The following ATR variants were observed in gnomAD, a reference collection of about 807,000 sequenced individuals.
ATR encodes the protein ATR checkpoint kinase.
ATR carries 142 observed loss-of-function variants against 305.3 expected under a neutral mutation model. The ratio of observed to expected loss-of-function variants is 0.47; its 90% CI spans 0.41 to 0.53. The LOEUF (loss-of-function observed/expected upper bound fraction) is 0.53, where lower values mean the gene tolerates loss of function less well. Ranked by LOEUF, ATR falls within the 20% of genes least tolerant of loss-of-function variation. The probability of loss-of-function intolerance (pLI) is 0.00; values close to 1 mark genes in which losing one functional copy is unlikely to be tolerated. For missense variants in ATR, 2,135 were observed against 3,133.1 expected (o/e 0.68, Z 7.60); for synonymous variants, 1,050 against 1,068.1 (o/e 0.98, Z 0.33).
intron 1 of ATR, among the ~76,000 whole-genome samples, chr3:142,571,349 C>G (rs2035251534): frequency 1.3e-5 from 2 of 152,018 alleles, no homozygotes; most frequent in Admixed American, 1.3e-4. Context: ...GCCTGTAGTC[C>G]CAGCTGCTCA....
chr3:142,475,438 T>A (rs904614148), intron 36 of ATR, among the ~76,000 whole-genome samples: 17 of 152,232 alleles, frequency 1.1e-4, no homozygotes, highest in African/African-American at 4.1e-4. Flanking sequence ...CATCCTTTTT[T>A]ATGGCTGCAT....
At chr3:142,464,186 C>T (rs1462707943) in intron 41 of ATR, among the ~76,000 whole-genome samples, 1 of 152,102 alleles carries the variant, frequency 6.6e-6, no homozygotes, top group Non-Finnish European at 1.5e-5. Flanking sequence ...AGTGCAGTGG[C>T]ATGATCATAG....
chr3:142,513,412 CCTA>C (rs2032682174), intron 26 of ATR, 86 bp downstream of exon 26: 17 of 1,482,640 alleles, frequency 1.1e-5, no homozygotes, highest in Non-Finnish European at 9.4e-6. Flanking sequence ...GTCTACATTT[CCTA>C]CTAATAGGTA....
chr3:142,451,639 G>C (rs1031119609), intron 46 of ATR: 1 of 1,243,048 alleles, frequency 8.0e-7, no homozygotes, highest in Non-Finnish European at 1.0e-6. Context: ...GAGTGCAGTG[G>C]TGTCATCATA....
At chr3:142,505,975 G>A (rs2032214609) in intron 28 of ATR, among the ~76,000 whole-genome samples, 1 of 152,152 alleles carries the variant, frequency 6.6e-6, no homozygotes, top group South Asian at 2.1e-4. Context: ...AGCAAATGAT[G>A]TCTTAATGAG....
intron 40 of ATR, 47 bp from the exon 41 acceptor site, chr3:142,465,287 G>T: frequency 1.4e-6 from 2 of 1,477,208 alleles, no homozygotes; most frequent in South Asian, 1.2e-5. Flanking sequence ...AAATTTCTGT[G>T]TAAATGTCTA....
chr3:142,508,747 C>T (rs1314817799), intron 27 of ATR, among the ~76,000 whole-genome samples: 1 of 151,802 alleles, frequency 6.6e-6, no homozygotes, highest in East Asian at 1.9e-4. Context: ...CACGGTGAAA[C>T]CCCGTCTCTA....
intron 21 of ATR, among the ~76,000 whole-genome samples, chr3:142,528,879 AT>A (rs1170239080): frequency 1.3e-3 from 41 of 30,488 alleles, no homozygotes; most frequent in East Asian, 2.7e-3. Context: ...ATATATATAT[AT>A]TTTTTTTTTT....
intron 16 of ATR, 139 bp from the exon 17 acceptor site, chr3:142,542,896 G>A: frequency 1.4e-6 from 1 of 722,710 alleles, no homozygotes; most frequent in Non-Finnish European, 2.3e-6. Context: ...GGTTAATTAA[G>A]TTTCTCCAAA....
At chr3:142,511,395 C>G (rs541609950) in intron 27 of ATR, among the ~76,000 whole-genome samples, 1 of 152,282 alleles carries the variant, frequency 6.6e-6, no homozygotes, top group East Asian at 1.9e-4. Flanking sequence ...GTGGCTCACA[C>G]CTGTAATCCC....
At chr3:142,497,920 C>CA (rs1312795683) in intron 32 of ATR, among the ~76,000 whole-genome samples, 1 of 152,064 alleles carries the variant, frequency 6.6e-6, no homozygotes, top group Non-Finnish European at 1.5e-5. Flanking sequence ...GTATGATAGT[C>CA]AGTGTCTATG....
At chr3:142,560,228 A>G in intron 6 of ATR, 35 bp downstream of exon 6, 2 of 1,594,518 alleles carry the variant, frequency 1.3e-6, no homozygotes, top group Non-Finnish European at 1.7e-6. Flanking sequence ...TCATTACAGG[A>G]AACCCAACCC....
chr3:142,493,707 A>G (rs1397405999), intron 34 of ATR, among the ~76,000 whole-genome samples: 1 of 152,142 alleles, frequency 6.6e-6, no homozygotes, highest in Non-Finnish European at 1.5e-5. Flanking sequence ...GTCTCTACAA[A>G]AAATTTAAAA....
intron 18 of ATR, among the ~76,000 whole-genome samples, chr3:142,540,240 G>C (rs1468046229): frequency 6.6e-6 from 1 of 152,098 alleles, no homozygotes. Context: ...GAATTTAAGG[G>C]ATGAGGCTGT....
At chr3:142,530,535 G>A (rs143383341) in intron 21 of ATR, among the ~76,000 whole-genome samples, 5 of 152,274 alleles carry the variant, frequency 3.3e-5, no homozygotes, top group Non-Finnish European at 7.4e-5. Flanking sequence ...ACAGCTATCT[G>A]CAGTAAGCAT....
intron 42 of ATR, among the ~76,000 whole-genome samples, chr3:142,460,191 C>T (rs1036735507): frequency 2.6e-5 from 4 of 151,848 alleles, no homozygotes; most frequent in South Asian, 2.1e-4. Context: ...GATAATCAGG[C>T]GTGTTAACAA....
At chr3:142,524,918 TC>T (rs2033305995) in intron 21 of ATR, among the ~76,000 whole-genome samples, 1 of 152,192 alleles carries the variant, frequency 6.6e-6, no homozygotes, top group African/African-American at 2.4e-5. Context: ...TAAAGCTACT[TC>T]ATTTATATTA....
At position 142,486,507 on chromosome 3, in the gene ATR, A is replaced by G. The variant is rs1238288923; in HGVS notation, c.6079-1225T>C. ...TCCTCCCTCTCTCATTTCAGCTTAGATTTTAAATATTTATTTTGAAAAGTA... is the reference window on the plus strand; with the variant it reads ...TCCTCCCTCTCTCATTTCAGCTTAGGTTTTAAATATTTATTTTGAAAAGTA... On this transcript the variant is annotated intron_variant, in intron 35 of 46. Transcript: ENST00000350721. 8.6e-5 allele frequency among the ~76,000 whole-genome samples: 13 copies of G among 151,448 alleles called. No homozygotes were observed. The East Asian group carries it at 1.9e-3, about 23-fold the overall frequency.
intron 36 of ATR, among the ~76,000 whole-genome samples, chr3:142,482,947 A>G (rs1036871158): frequency 1.1e-4 from 16 of 149,662 alleles, no homozygotes; most frequent in African/African-American, 3.9e-4. Context: ...CTCGTGTGAC[A>G]CAGCCCTCAG....
Sources: allele counts gnomAD v4.1 joint callset (sites outside exome capture counted in the v4.1 genomes callset), GRCh38; gene constraint gnomAD v4.1.1; transcripts MANE v1.5; gene names NCBI Gene and HGNC (gene_info 2026-07-23, HGNC 2026-07-21).